The following PROS1 variants were observed in gnomAD, a reference collection of about 807,000 sequenced individuals.
PROS1 encodes protein S, also known as vitamin K-dependent protein S.
A neutral mutation model predicts 75.9 loss-of-function variants in PROS1; 29 were observed. The observed-to-expected ratio is 0.38, with a 90% CI of 0.28 to 0.52. The LOEUF is 0.52. Ranked by LOEUF, PROS1 falls within the 20% of genes least tolerant of loss-of-function variation. The pLI, the probability that PROS1 is intolerant of heterozygous loss-of-function variation, is 0.83. For synonymous variants in PROS1, 245 were observed against 280.6 expected (o/e 0.87, Z 1.27); for missense variants, 680 against 810.3 (o/e 0.84, Z 1.95).
At chr3:93,901,001 T>C in intron 6 of PROS1, 72 bp from the exon 7 acceptor site, 1 of 1,528,880 alleles carries the variant, frequency 6.5e-7, no homozygotes, top group East Asian at 2.3e-5. Flanking sequence ...ACCCTTGATT[T>C]GTGTTTCCTG....
intron 10 of PROS1, among the ~76,000 whole-genome samples, chr3:93,886,910 C>CTTTT (rs1297839394): frequency 3.8e-5 from 5 of 130,578 alleles, no homozygotes; most frequent in Non-Finnish European, 4.9e-5. Flanking sequence ...TAAATAAGTT[C>CTTTT]TTTTTTTTTT....
In PROS1 at chr3:93,973,851, C is replaced by T. The variant is rs578237469; in HGVS notation, c.-102G>A. The stretch of plus-strand genomic sequence containing the variant: ...GCGAGCCTGTGCGCCTCGGTCTGAG[C>T]CGTGCTGCGCGGCGGCGCCAGCGAC... On this transcript the variant is annotated 5_prime_UTR_variant, in exon 1 of 15. Coordinates refer to ENST00000394236, the MANE Select transcript of PROS1 (RefSeq NM_000313.4). The T allele has an allele frequency of 8.5e-6, 8 of 944,858 alleles. No homozygotes were observed. In the Admixed American group the frequency reaches 3.0e-4, roughly 36 times the overall value. The allele number at this position is 944,858 out of a possible 1,614,324, so 58.5% of individuals were successfully genotyped here.
intron 1 of PROS1, among the ~76,000 whole-genome samples, chr3:93,953,645 C>T (rs907765712): frequency 4.0e-5 from 6 of 150,336 alleles, no homozygotes; most frequent in African/African-American, 1.2e-4. Flanking sequence ...AAAATGGAAG[C>T]ATTCCCTTTG....
intron 1 of PROS1, among the ~76,000 whole-genome samples, chr3:93,951,544 C>A (rs946149281): frequency 5.3e-5 from 8 of 152,132 alleles, no homozygotes; most frequent in African/African-American, 1.9e-4. Context: ...CAAGTAAATG[C>A]TGAGAGATTT....
At chr3:93,928,028 T>TTC (rs1709053685) in intron 1 of PROS1, among the ~76,000 whole-genome samples, 1 of 127,434 alleles carries the variant, frequency 7.8e-6, no homozygotes, top group South Asian at 2.6e-4. Flanking sequence ...TTTTTTTTTT[T>TTC]TTTTGAGACG....
chr3:93,953,915 C>T (rs1424557209), intron 1 of PROS1, among the ~76,000 whole-genome samples: 11 of 152,166 alleles, frequency 7.2e-5, no homozygotes, highest in Admixed American at 7.2e-4. Context: ...AAATCACAAG[C>T]ATTTCTATAT....
At chr3:93,895,979 TAATAA>T (rs1469531696) in intron 9 of PROS1, among the ~76,000 whole-genome samples, 1 of 151,826 alleles carries the variant, frequency 6.6e-6, no homozygotes, top group Non-Finnish European at 1.5e-5. Context: ...TAAATAAATA[TAATAA>T]AATAAAAATT....
intron 1 of PROS1, among the ~76,000 whole-genome samples, chr3:93,951,931 C>T (rs946096643): frequency 1.3e-5 from 2 of 152,068 alleles, no homozygotes; most frequent in African/African-American, 4.8e-5. Context: ...GGGTTGCAAT[C>T]CTAGTCTCTG....
In PROS1 at chr3:93,971,687, C is replaced by T. The variant is rs923738465; in HGVS notation, c.76+1987G>A. ...CACACACACATAAATTAGCTGGGTG[C>T]GGTGCTAGATAGGTGCTGATCTGGG... On this transcript the variant is annotated intron_variant, in intron 1 of 14. Transcript: ENST00000394236. Among the ~76,000 whole-genome samples, 8 of 146,550 alleles carry T rather than the reference C, an allele frequency of 5.5e-5. No homozygotes were observed. In the South Asian group the frequency reaches 6.6e-4, roughly 12 times the overall value.
At chr3:93,904,757 C>T (rs772465320) in intron 6 of PROS1, among the ~76,000 whole-genome samples, 3 of 151,826 alleles carry the variant, frequency 2.0e-5, no homozygotes, top group Non-Finnish European at 4.4e-5. Context: ...GGTATGAATA[C>T]TTGAAGATTT....
At chr3:93,884,003 A>T (rs970562146) in intron 12 of PROS1, among the ~76,000 whole-genome samples, 1 of 152,186 alleles carries the variant, frequency 6.6e-6, no homozygotes, top group African/African-American at 2.4e-5. Flanking sequence ...CATTAAGGGT[A>T]ATCCTGGCAC....
chr3:93,969,198 C>G (rs1709837911), intron 1 of PROS1, among the ~76,000 whole-genome samples: 2 of 144,892 alleles, frequency 1.4e-5, no homozygotes, highest in Non-Finnish European at 3.0e-5. Flanking sequence ...AAGCATAGCA[C>G]AGAAATACAG....
chr3:93,956,880 C>T (rs886917570), intron 1 of PROS1, among the ~76,000 whole-genome samples: 23 of 152,258 alleles, frequency 1.5e-4, no homozygotes, highest in African/African-American at 4.8e-4. Context: ...CCCTTTAAAT[C>T]TACCTTCAAA....
At chr3:93,971,312 C>T (rs576357961) in intron 1 of PROS1, among the ~76,000 whole-genome samples, 1 of 151,428 alleles carries the variant, frequency 6.6e-6, no homozygotes, top group African/African-American at 2.4e-5. Context: ...CACGCCACTG[C>T]ACTCCTGCAC....
At chr3:93,900,254 A>G (rs1488640583) in intron 7 of PROS1, among the ~76,000 whole-genome samples, 1 of 152,232 alleles carries the variant, frequency 6.6e-6, no homozygotes, top group African/African-American at 2.4e-5. Context: ...AGGCTCTGAC[A>G]TTACCGATCA....
chr3:93,875,660 AT>A (rs1708173303), intron 14 of PROS1, among the ~76,000 whole-genome samples: 1 of 147,072 alleles, frequency 6.8e-6, no homozygotes. Context: ...CTATCTATCT[AT>A]CTATCTATCT....
intron 1 of PROS1, among the ~76,000 whole-genome samples, chr3:93,945,445 C>A (rs1480862464): frequency 1.3e-5 from 2 of 152,264 alleles, no homozygotes; most frequent in African/African-American, 4.8e-5. Flanking sequence ...AGCAGCACAT[C>A]AAAAAGCTAT....
chr3:93,944,021 T>C (rs1266346414), intron 1 of PROS1, among the ~76,000 whole-genome samples: 1 of 152,204 alleles, frequency 6.6e-6, no homozygotes, highest in Non-Finnish European at 1.5e-5. Flanking sequence ...AAAAGCTTTA[T>C]TGCTCACACA....
intron 5 of PROS1, 22 bp downstream of exon 5, chr3:93,905,999 G>A: frequency 6.2e-7 from 1 of 1,613,842 alleles, no homozygotes; most frequent in African/African-American, 1.3e-5. Flanking sequence ...ATGAGCTGGG[G>A]GGCGGGGGTT....
Sources: allele counts gnomAD v4.1 joint callset (sites outside exome capture counted in the v4.1 genomes callset), GRCh38; gene constraint gnomAD v4.1.1; transcripts MANE v1.5; gene names NCBI Gene and HGNC (gene_info 2026-07-23, HGNC 2026-07-21).